Variants in FBLN2 observed in about 807,000 individuals in gnomAD.
FBLN2 encodes fibulin-2.
A neutral mutation model predicts 123.7 loss-of-function variants in FBLN2; 81 were observed. That is an observed-to-expected ratio of 0.65 (90% CI 0.55 to 0.79). The LOEUF (loss-of-function observed/expected upper bound fraction) is 0.79. Ranked by LOEUF, FBLN2 falls within the 30% of genes least tolerant of loss-of-function variation. The pLI, the probability that FBLN2 is intolerant of heterozygous loss-of-function variation, is 0.00. For missense variants in FBLN2, 1,603 were observed against 1,681.3 expected (o/e 0.95, Z 0.81); for synonymous variants, 699 against 701.4 (o/e 1.00, Z 0.05).
intron 16 of FBLN2, 46 bp downstream of exon 16, chr3:13,631,503 G>A (rs761761821): frequency 4.5e-6 from 7 of 1,543,722 alleles, no homozygotes; most frequent in Non-Finnish European, 6.1e-6. Flanking sequence ...AGGGCCTTGG[G>A]CAGGCTCCAA....
chr3:13,553,492 C>T (rs1703379878), intron 1 of FBLN2, among the ~76,000 whole-genome samples: 1 of 152,306 alleles, frequency 6.6e-6, no homozygotes, highest in African/African-American at 2.4e-5. Flanking sequence ...GTGTACGGGG[C>T]ACCACTGCAC....
chr3:13,593,851 C>T (rs1261218255), intron 2 of FBLN2, among the ~76,000 whole-genome samples: 3 of 152,062 alleles, frequency 2.0e-5, no homozygotes, highest in African/African-American at 4.8e-5. Context: ...AAGTCCCCAG[C>T]GTGGGCGGCT....
chr3:13,554,243 C>T (rs1317111734), intron 1 of FBLN2, among the ~76,000 whole-genome samples: 1 of 152,182 alleles, frequency 6.6e-6, no homozygotes, highest in Non-Finnish European at 1.5e-5. Context: ...CCTGTGTCTC[C>T]CGTGGCTTCT....
intron 16 of FBLN2, among the ~76,000 whole-genome samples, chr3:13,635,283 T>C (rs1706418257): frequency 6.6e-6 from 1 of 151,988 alleles, no homozygotes; most frequent in Non-Finnish European, 1.5e-5. Flanking sequence ...GGAGGCCTCC[T>C]GAGGCGGCCC....
In FBLN2 at chr3:13,618,238, G is replaced by C; in HGVS notation, c.1892G>C (p.Cys631Ser). The change falls in exon 6 of 18, where the codon TGC becomes TCC. Residue 631 changes from cysteine to serine, a missense_variant. Transcript: ENST00000404922. ...ACTGTGGGTTCTTACCACTGTGCCT[G>C]CTTTCCTGGCTTCTCACTGCAGGAC... ...INTVGSYHCA[C>S]FPGFSLQDDG... The C allele has an allele frequency of 6.2e-7, 1 of 1,613,968 alleles. No individual in the cohort carries two copies. Among genetic ancestry groups the C allele is most frequent in the Non-Finnish European group, 8.5e-7 (1 of 1,179,902 alleles).
At chr3:13,629,141 G>C in intron 12 of FBLN2, 23 bp from the exon 13 acceptor site, 1 of 1,612,786 alleles carries the variant, frequency 6.2e-7, no homozygotes, top group Non-Finnish European at 8.5e-7. Context: ...CAGGCCTCAA[G>C]GTACCCTGCT....
chr3:13,566,912 T>C (rs1317790489), intron 1 of FBLN2, among the ~76,000 whole-genome samples: 1 of 152,224 alleles, frequency 6.6e-6, no homozygotes, highest in Non-Finnish European at 1.5e-5. Context: ...ACCTGAGGTA[T>C]GGTGGAACAC....
At chr3:13,574,875 C>T (rs1161642690) in intron 2 of FBLN2, among the ~76,000 whole-genome samples, 1 of 152,188 alleles carries the variant, frequency 6.6e-6, no homozygotes, top group East Asian at 1.9e-4. Context: ...GCTGGGCTTC[C>T]ATCTCCCACC....
At chr3:13,556,164 C>G (rs1322926052) in intron 1 of FBLN2, among the ~76,000 whole-genome samples, 1 of 152,210 alleles carries the variant, frequency 6.6e-6, no homozygotes, top group Non-Finnish European at 1.5e-5. Flanking sequence ...GCTGCTATAA[C>G]AAATGTCACA....
chr3:13,634,130 A>G (rs1463382690), intron 16 of FBLN2, among the ~76,000 whole-genome samples: 1 of 152,206 alleles, frequency 6.6e-6, no homozygotes, highest in Non-Finnish European at 1.5e-5. Flanking sequence ...CTGGGCCTCA[A>G]GTCCTTCAGA....
chr3:13,619,459 T>C (rs1227335053), intron 7 of FBLN2, among the ~76,000 whole-genome samples: 1 of 152,200 alleles, frequency 6.6e-6, no homozygotes, highest in African/African-American at 2.4e-5. Context: ...CCCATTGTTC[T>C]TGCTGTCACG....
chr3:13,627,928 G>C lies in FBLN2; in HGVS notation c.2528G>C (p.Cys843Ser). 5.0e-6 allele frequency: 8 copies of C among 1,613,772 alleles called. No homozygotes were observed. The highest frequency in any genetic ancestry group is 6.8e-6 in the Non-Finnish European group (8 of 1,179,778). Residue 843 changes from cysteine to serine, a missense_variant, in exon 11 of 18, where the codon TGC becomes TCC. Coordinates refer to ENST00000404922, the MANE Select transcript of FBLN2 (RefSeq NM_001004019.2). ...GSFYCQARQR[C>S]MDGFLQDPEG... is the part of the protein sequence containing the mutation. ...TTCTACTGCCAGGCCAGGCAGCGCT[G>C]CATGGATGGCTTCCTGCAGGATCCT... is the stretch of plus-strand genomic sequence containing the variant.
At chr3:13,583,371 T>C (rs1704398357) in intron 2 of FBLN2, among the ~76,000 whole-genome samples, 1 of 152,286 alleles carries the variant, frequency 6.6e-6, no homozygotes, top group Non-Finnish European at 1.5e-5. Flanking sequence ...AAGTGAATTG[T>C]CCATGGTTCC....
chr3:13,576,789 C>A (rs746429021), intron 2 of FBLN2, among the ~76,000 whole-genome samples: 1 of 152,038 alleles, frequency 6.6e-6, no homozygotes, highest in Non-Finnish European at 1.5e-5. Flanking sequence ...GCAGGCCCTG[C>A]TAGAGGCCCT....
chr3:13,614,644 A>ATCCATCCG (rs1705525089), intron 5 of FBLN2, among the ~76,000 whole-genome samples: 1 of 146,608 alleles, frequency 6.8e-6, no homozygotes, highest in Non-Finnish European at 1.5e-5. Flanking sequence ...TTATCCATCC[A>ATCCATCCG]TCCATCCATC....
intron 4 of FBLN2, among the ~76,000 whole-genome samples, chr3:13,613,722 G>A (rs973428078): frequency 6.6e-6 from 1 of 152,180 alleles, no homozygotes; most frequent in African/African-American, 2.4e-5. Flanking sequence ...AAACATGAGG[G>A]GATAATGAGT....
At chr3:13,610,137 T>A (rs1705342718) in intron 4 of FBLN2, among the ~76,000 whole-genome samples, 1 of 152,134 alleles carries the variant, frequency 6.6e-6, no homozygotes, top group African/African-American at 2.4e-5. Flanking sequence ...GGGTGGGGGA[T>A]GTCTGTGAAA....
intron 16 of FBLN2, 36 bp downstream of exon 16, chr3:13,631,493 A>G (rs1333179740): frequency 3.9e-6 from 6 of 1,557,848 alleles, no homozygotes. Context: ...CGCCTCCATC[A>G]GGGCCTTGGG....
chr3:13,592,579 A>C (rs1294427178), intron 2 of FBLN2, among the ~76,000 whole-genome samples: 1 of 152,254 alleles, frequency 6.6e-6, no homozygotes, highest in Non-Finnish European at 1.5e-5. Flanking sequence ...GATTTGACAG[A>C]ATTGACATCT....
Sources: gnomAD v4.1 joint callset for allele counts (sites outside exome capture counted in the v4.1 genomes callset) on GRCh38, gnomAD v4.1.1 for gene constraint, MANE v1.5 for transcripts, NCBI Gene and HGNC (gene_info 2026-07-23, HGNC 2026-07-21) for gene names.